The following LUZP2 variants were observed in gnomAD, a reference collection of about 807,000 sequenced individuals.
The protein encoded by LUZP2 is leucine zipper protein 2.
A neutral mutation model predicts 51.6 loss-of-function variants in LUZP2; 52 were observed. That is an observed-to-expected ratio of 1.01 (90% CI 0.81 to 1.27). LUZP2 has a LOEUF of 1.27. Ranked by LOEUF, LUZP2 falls within the 50% of genes most tolerant of loss-of-function variation. The probability of loss-of-function intolerance (pLI) is 0.00; values close to 1 mark genes in which losing one functional copy is unlikely to be tolerated. For synonymous variants in LUZP2, 154 were observed against 137.3 expected, an observed-to-expected ratio of 1.12 and a Z score of -0.85; for missense variants, 436 against 395.4, an observed-to-expected ratio of 1.10 and a Z score of -0.87.
intron 4 of LUZP2, among the ~76,000 whole-genome samples, chr11:24,742,073 A>G (rs1426654213): frequency 7.1e-6 from 1 of 141,160 alleles, no homozygotes; most frequent in Non-Finnish European, 1.5e-5. Flanking sequence ...ATATATATAT[A>G]TATCACCATT....
At chr11:24,916,505 C>T (rs562341656) in intron 7 of LUZP2, among the ~76,000 whole-genome samples, 3 of 152,102 alleles carry the variant, frequency 2.0e-5, no homozygotes, top group East Asian at 3.9e-4. Context: ...CCACAACAGG[C>T]TGTGGTGTGT....
intron 1 of LUZP2, among the ~76,000 whole-genome samples, chr11:24,602,064 ATATATATGCG>A (rs1565020189): frequency 5.0e-5 from 7 of 139,732 alleles, no homozygotes; most frequent in African/African-American, 1.6e-4. Context: ...ATATATGTGT[ATATATATGCG>A]TATATATGTG....
intron 1 of LUZP2, among the ~76,000 whole-genome samples, chr11:24,592,691 GA>G (rs113544553): frequency 6.7e-6 from 1 of 148,890 alleles, no homozygotes; most frequent in East Asian, 2.0e-4. Flanking sequence ...TTGGAGAAAA[GA>G]AAAAAAAAAA....
chr11:24,769,643 G>A (rs1240111929), intron 5 of LUZP2, among the ~76,000 whole-genome samples: 1 of 150,156 alleles, frequency 6.7e-6, no homozygotes, highest in East Asian at 1.9e-4. Context: ...AGGGAAAGAT[G>A]GAGGAGATGG....
chr11:25,007,189 C>T (rs770718527), intron 9 of LUZP2, among the ~76,000 whole-genome samples: 1 of 152,184 alleles, frequency 6.6e-6, no homozygotes, highest in Non-Finnish European at 1.5e-5. Context: ...CAGAAAAGTT[C>T]TCCAAGTCCC....
At chr11:24,907,364 A>ATATCTTTC (rs1380601442) in intron 6 of LUZP2, among the ~76,000 whole-genome samples, 1 of 152,014 alleles carries the variant, frequency 6.6e-6, no homozygotes. Context: ...CCATTTTATA[A>ATATCTTTC]TATCTTTCCT....
intron 5 of LUZP2, among the ~76,000 whole-genome samples, chr11:24,878,640 T>A (rs1382905811): frequency 1.3e-5 from 2 of 152,126 alleles, no homozygotes; most frequent in Non-Finnish European, 1.5e-5. Context: ...TTATTTTATT[T>A]TATTTTTAAT....
intron 5 of LUZP2, among the ~76,000 whole-genome samples, chr11:24,868,236 T>A (rs201177634): frequency 7.6e-6 from 1 of 131,936 alleles, no homozygotes; most frequent in Admixed American, 7.8e-5. Flanking sequence ...AAGACAGAGA[T>A]AAATTCTTCC....
chr11:24,840,401 T>G (rs940823217), intron 5 of LUZP2, among the ~76,000 whole-genome samples: 1 of 151,870 alleles, frequency 6.6e-6, no homozygotes, highest in African/African-American at 2.4e-5. Flanking sequence ...TTTTGATCTT[T>G]GTTCAGATTA....
At chr11:24,946,390 T>G (rs1355724084) in intron 7 of LUZP2, among the ~76,000 whole-genome samples, 1 of 152,022 alleles carries the variant, frequency 6.6e-6, no homozygotes, top group Admixed American at 6.6e-5. Flanking sequence ...GTTTCTGATA[T>G]GTCTCATGAC....
At chr11:24,540,399 G>A (rs1352510837) in intron 1 of LUZP2, among the ~76,000 whole-genome samples, 2 of 152,032 alleles carry the variant, frequency 1.3e-5, no homozygotes, top group Admixed American at 6.6e-5. Flanking sequence ...CTCATGATAG[G>A]TTTAATAACC....
intron 10 of LUZP2, among the ~76,000 whole-genome samples, chr11:25,062,136 G>A (rs1410983276): frequency 1.3e-5 from 2 of 150,928 alleles, no homozygotes; most frequent in Non-Finnish European, 1.5e-5. Flanking sequence ...GAGGGAGACA[G>A]GAGAAAGGAA....
chr11:24,667,142 T>TAC (rs1856239313), intron 1 of LUZP2, among the ~76,000 whole-genome samples: 1 of 151,848 alleles, frequency 6.6e-6, no homozygotes, highest in Admixed American at 6.6e-5. Flanking sequence ...ATATTCAAAA[T>TAC]ACACAGTACT....
At chr11:24,999,282 A>T (rs1486045801) in intron 9 of LUZP2, among the ~76,000 whole-genome samples, 3 of 152,028 alleles carry the variant, frequency 2.0e-5, no homozygotes, top group Non-Finnish European at 4.4e-5. Flanking sequence ...AGGTATAGTA[A>T]ACCATGGGGA....
chr11:24,736,830 C>A (rs1389517900), intron 3 of LUZP2, among the ~76,000 whole-genome samples: 1 of 151,924 alleles, frequency 6.6e-6, no homozygotes, highest in African/African-American at 2.4e-5. Flanking sequence ...CACTCAGAAT[C>A]CACTTCAAGC....
intron 5 of LUZP2, among the ~76,000 whole-genome samples, chr11:24,788,180 A>ATTTTT (rs61308017): frequency 1.4e-4 from 12 of 83,392 alleles, no homozygotes; most frequent in South Asian, 5.2e-4. Flanking sequence ...TTTGTTTTTA[A>ATTTTT]TTTTTTTTTT....
At chr11:25,002,880 C>T (rs1856728606) in intron 9 of LUZP2, among the ~76,000 whole-genome samples, 1 of 152,080 alleles carries the variant, frequency 6.6e-6, no homozygotes. Flanking sequence ...CTCTGGGTCT[C>T]CTTGATTAGA....
chr11:24,528,188 C>A (rs912556754), intron 1 of LUZP2, among the ~76,000 whole-genome samples: 2 of 151,038 alleles, frequency 1.3e-5, no homozygotes, highest in African/African-American at 4.8e-5. Context: ...GATTTCTCAG[C>A]ATGTTTCAAG....
chr11:24,785,917 G>A, intron 5 of LUZP2: 1 of 985,262 alleles, frequency 1.0e-6, no homozygotes, highest in Middle Eastern at 5.2e-4. Flanking sequence ...ATAACTAGCA[G>A]GAACTATAGA....
Sources: allele counts gnomAD v4.1 joint callset (sites outside exome capture counted in the v4.1 genomes callset), GRCh38; gene constraint gnomAD v4.1.1; transcripts MANE v1.5; gene names NCBI Gene and HGNC (gene_info 2026-07-23, HGNC 2026-07-21).